PCMTD1: variants seen among roughly 807,000 people sequenced by gnomAD.
PCMTD1 encodes protein-L-isoaspartate (D-aspartate) O-methyltransferase domain containing 1, also known as protein-L-isoaspartate O-methyltransferase domain-containing protein 1.
In PCMTD1, 12 loss-of-function variants were observed where a neutral mutation model predicts 37.6. The observed-to-expected ratio is 0.32, with a 90% CI of 0.20 to 0.52. The LOEUF (loss-of-function observed/expected upper bound fraction) is 0.52, where lower values mean the gene tolerates loss of function less well. Ranked by LOEUF, PCMTD1 falls within the 20% of genes least tolerant of loss-of-function variation. PCMTD1 has a pLI of 0.97. For missense variants in PCMTD1, 235 were observed against 421.3 expected (o/e 0.56, Z 3.87); for synonymous variants, 117 against 135.8 (o/e 0.86, Z 0.96).
intron 2 of PCMTD1, among the ~76,000 whole-genome samples, chr8:51,858,745 A>G (rs912892449): frequency 2.6e-5 from 4 of 152,230 alleles, no homozygotes; most frequent in Non-Finnish European, 5.9e-5. Flanking sequence ...GTCTTAACTT[A>G]GCAGGATCAT....
Position 51,831,461 on chromosome 8 carries a change from G to A in PCMTD1, c.689C>T (p.Pro230Leu). The A allele has an allele frequency of 6.2e-7, 1 of 1,613,274 alleles. No individual in the cohort carries two copies. The highest frequency in any genetic ancestry group is 1.1e-5 in the South Asian group (1 of 90,982). Residue 230 changes from proline (P) to leucine (L), a missense_variant, in exon 5 of 6, where the codon CCA becomes CTA. Transcript: ENST00000522514. ...VQPSKNDNGK[P>L]DSVGLPPCAV... ...CTACTTACGGAGTCCCACAGAATCT[G>A]GTTTGCCATTATCATTCTTACTTGG...
At chr8:51,842,266 CTTTT>C (rs945683837) in intron 3 of PCMTD1, among the ~76,000 whole-genome samples, 1 of 151,884 alleles carries the variant, frequency 6.6e-6, no homozygotes, top group African/African-American at 2.4e-5. Context: ...ACTTACAATA[CTTTT>C]TTTTAAAGAA....
chr8:51,846,983 C>T (rs1037389307), intron 2 of PCMTD1, among the ~76,000 whole-genome samples: 2 of 152,186 alleles, frequency 1.3e-5, no homozygotes, highest in African/African-American at 4.8e-5. Flanking sequence ...CATCAAACCA[C>T]AACAGAATTA....
rs1222005545 is a variant in PCMTD1 at position 51,817,610 on chromosome 8, A to G, written c.*2741T>C. ...AATTACATGTAATTGTTTATTTAAA[A>G]TAATTTTCCAAGTCTTCCAATGATT... On this transcript the variant is annotated 3_prime_UTR_variant, in exon 6 of 6. Transcript: ENST00000522514. The G allele has an allele frequency of 3.0e-5, 6 of 202,200 alleles. No individual in the cohort carries two copies. Among genetic ancestry groups the G allele is most frequent in the South Asian group, 2.2e-4 (3 of 13,756 alleles). The allele number at this position is 202,200 out of a possible 1,614,324, so 12.5% of individuals were successfully genotyped here. A position where few individuals can be genotyped will look rare whatever the true frequency, so the allele number is the denominator to read the frequency against.
intron 1 of PCMTD1, among the ~76,000 whole-genome samples, chr8:51,886,524 T>C (rs1407870979): frequency 6.6e-6 from 1 of 152,170 alleles, no homozygotes; most frequent in Non-Finnish European, 1.5e-5. Context: ...TATACAACTT[T>C]TATCAATAAA....
At chr8:51,893,676 G>A (rs1257818550) in intron 1 of PCMTD1, among the ~76,000 whole-genome samples, 1 of 152,030 alleles carries the variant, frequency 6.6e-6, no homozygotes, top group African/African-American at 2.4e-5. Flanking sequence ...ATGTGCACAT[G>A]GAAAGACAAA....
chr8:51,850,008 T>C, intron 2 of PCMTD1: 1 of 698,102 alleles, frequency 1.4e-6, no homozygotes, highest in Non-Finnish European at 2.6e-6. Context: ...AGGCAAAAAG[T>C]ACTTCACAAT....
chr8:51,899,043 G>A (rs1277096125), upstream of PCMTD1: 7 of 1,508,084 alleles, frequency 4.6e-6, no homozygotes, highest in Middle Eastern at 2.1e-4. Context: ...GAGTGGAGAG[G>A]CGGGGCCCGG....
At chr8:51,885,486 A>G (rs749260163) in intron 1 of PCMTD1, among the ~76,000 whole-genome samples, 2 of 152,190 alleles carry the variant, frequency 1.3e-5, no homozygotes, top group Non-Finnish European at 2.9e-5. Flanking sequence ...GGCTTCATCT[A>G]CTGCAGTCGG....
intron 5 of PCMTD1, among the ~76,000 whole-genome samples, chr8:51,828,212 C>A: frequency 6.6e-6 from 1 of 152,122 alleles, no homozygotes; most frequent in East Asian, 1.9e-4. Context: ...GGGTCACGGT[C>A]AAAGCCAAGC....
chr8:51,880,250 T>C (rs763346430), intron 1 of PCMTD1, among the ~76,000 whole-genome samples: 5 of 151,840 alleles, frequency 3.3e-5, no homozygotes, highest in Non-Finnish European at 7.4e-5. Flanking sequence ...ACAATAGGTA[T>C]TTGCCAGAAG....
intron 3 of PCMTD1, among the ~76,000 whole-genome samples, chr8:51,842,201 T>G (rs965906057): frequency 4.6e-4 from 70 of 152,184 alleles, no homozygotes; most frequent in African/African-American, 1.6e-3. Context: ...TGCTATGTAC[T>G]CTCCACATTA....
At chr8:51,841,859 G>A (rs2038150951) in intron 3 of PCMTD1, among the ~76,000 whole-genome samples, 1 of 152,188 alleles carries the variant, frequency 6.6e-6, no homozygotes, top group Non-Finnish European at 1.5e-5. Context: ...AGTAGGCCAA[G>A]TCCAGACTAC....
At chr8:51,825,877 A>G (rs574315570) in intron 5 of PCMTD1, among the ~76,000 whole-genome samples, 2 of 152,290 alleles carry the variant, frequency 1.3e-5, no homozygotes, top group South Asian at 2.1e-4. Flanking sequence ...GGATGAGGAG[A>G]AATAGGAACA....
At chr8:51,883,401 TTA>T (rs1480212251) in intron 1 of PCMTD1, among the ~76,000 whole-genome samples, 1 of 152,120 alleles carries the variant, frequency 6.6e-6, no homozygotes, top group Non-Finnish European at 1.5e-5. Flanking sequence ...GGGGAGATTG[TTA>T]TTAAGAGTAA....
chr8:51,828,929 T>C (rs1202661389), intron 5 of PCMTD1, among the ~76,000 whole-genome samples: 1 of 152,234 alleles, frequency 6.6e-6, no homozygotes, highest in Non-Finnish European at 1.5e-5. Context: ...GTCTCCCTTA[T>C]GATAATCCTT....
intron 1 of PCMTD1, among the ~76,000 whole-genome samples, chr8:51,865,272 T>C (rs564630551): frequency 6.6e-6 from 1 of 152,204 alleles, no homozygotes; most frequent in Admixed American, 6.5e-5. Context: ...TACCAATTCC[T>C]TCTCAAATCC....
intron 1 of PCMTD1, among the ~76,000 whole-genome samples, chr8:51,893,669 T>C (rs1243336252): frequency 6.6e-6 from 1 of 152,182 alleles, no homozygotes; most frequent in African/African-American, 2.4e-5. Context: ...AAAGGATATG[T>C]GCACATGGAA....
chr8:51,831,375 T>C (rs536996781), intron 5 of PCMTD1, 69 bp downstream of exon 5: 1 of 1,461,934 alleles, frequency 6.8e-7, no homozygotes, highest in Admixed American at 1.9e-5. Flanking sequence ...TACATAGTCT[T>C]AAATCCCAAG....
Sources: allele counts gnomAD v4.1 joint callset (sites outside exome capture counted in the v4.1 genomes callset), GRCh38; gene constraint gnomAD v4.1.1; transcripts MANE v1.5; gene names NCBI Gene and HGNC (gene_info 2026-07-23, HGNC 2026-07-21).